ADAMTS10: variants seen among roughly 807,000 people sequenced by gnomAD.
The protein encoded by ADAMTS10 is A disintegrin and metalloproteinase with thrombospondin motifs 10.
A neutral mutation model predicts 135.9 loss-of-function variants in ADAMTS10; 48 were observed. The ratio of observed to expected loss-of-function variants is 0.35; its 90% CI spans 0.28 to 0.45. The LOEUF is 0.45. Among genes scored for constraint, ADAMTS10 ranks in the 20% least tolerant of loss-of-function variants. ADAMTS10 has a pLI of 1.00. For missense variants in ADAMTS10, 1,131 were observed against 1,565.2 expected (o/e 0.72, Z 4.68); for synonymous variants, 621 against 647.5 (o/e 0.96, Z 0.62).
intron 6 of ADAMTS10, among the ~76,000 whole-genome samples, chr19:8,600,690 G>A (rs974082883): frequency 2.1e-4 from 32 of 151,762 alleles, no homozygotes; most frequent in African/African-American, 5.3e-4. Flanking sequence ...AGTAGAGATG[G>A]GGTTTCACCG....
intron 13 of ADAMTS10, 172 bp from the exon 14 acceptor site, chr19:8,592,275 G>C: frequency 7.4e-7 from 1 of 1,354,802 alleles, no homozygotes; most frequent in East Asian, 2.5e-5. Context: ...TGGTCTGGGA[G>C]ACAGACCAGG....
intron 2 of ADAMTS10, among the ~76,000 whole-genome samples, chr19:8,607,351 C>A (rs1306369038): frequency 6.6e-6 from 1 of 152,160 alleles, no homozygotes; most frequent in Non-Finnish European, 1.5e-5. Context: ...CCAGGCCTCT[C>A]CTCCACCCTG....
At chr19:8,595,473 G>A (rs551873611) in intron 12 of ADAMTS10, 5 of 458,682 alleles carry the variant, frequency 1.1e-5, no homozygotes, top group Admixed American at 3.4e-5. Context: ...TAGCCCACAG[G>A]GGGTGTGATG....
Position 8,605,459 on chromosome 19 carries a change from C to T in ADAMTS10, c.89-101G>A. On this transcript the variant is annotated intron_variant, in intron 3 of 25. Transcript: ENST00000597188. The surrounding 1 kb of genome is among the most constrained non-coding windows in gnomAD (Gnocchi z 7.7). ...GAGCAAGTGATGCTGGCCTCACTGA[C>T]CCCCGAAATCCAGGGAGTTGGCTGC... The T allele has an allele frequency of 6.8e-7, 1 of 1,469,066 alleles. No individual in the cohort carries two copies. Among genetic ancestry groups the T allele is most frequent in the Non-Finnish European group, 9.3e-7 (1 of 1,080,480 alleles). 91.0% of individuals were successfully genotyped at this position (1,469,066 alleles called of 1,614,324 possible). A position where few individuals can be genotyped will look rare whatever the true frequency, so the allele number is the denominator to read the frequency against.
chr19:8,606,483 C>T (rs1486651721), intron 2 of ADAMTS10, among the ~76,000 whole-genome samples: 2 of 152,136 alleles, frequency 1.3e-5, no homozygotes, highest in Admixed American at 6.6e-5. Context: ...CTCACTGCAA[C>T]CCCCGCCTCC....
rs1187791275 is a variant in ADAMTS10 at position 8,608,188 on chromosome 19, C to G, written c.-154G>C. Reference sequence around the variant, plus strand: ...GTTGGGCCCCTGTACGGATCCTTCCCTCGCCTGCTCCCTGCACCTGGGCCT... The same window carrying G: ...GTTGGGCCCCTGTACGGATCCTTCCGTCGCCTGCTCCCTGCACCTGGGCCT... On this transcript the variant is annotated 5_prime_UTR_variant, in exon 2 of 26. Coordinates refer to ENST00000597188, the MANE Select transcript of ADAMTS10 (RefSeq NM_030957.4). 1 of 152,300 alleles carries G rather than the reference C, an allele frequency of 6.6e-6. No individual in the cohort carries two copies. The highest frequency in any genetic ancestry group is 1.5e-5 in the Non-Finnish European group (1 of 68,228). 9.4% of individuals were successfully genotyped at this position (152,300 alleles called of 1,614,324 possible). A position where few individuals can be genotyped will look rare whatever the true frequency, so the allele number is the denominator to read the frequency against.
rs372342488 is a variant in ADAMTS10 at position 8,595,911 on chromosome 19, G to A, written c.1338-8C>T. ...CAGAGCCCCAGGCCCGAGCTGCCTC[G>A]AGAGAAAAGCAACTGTCATGCTAGG... On this transcript the variant is annotated splice_polypyrimidine_tract_variant and splice_region_variant and intron_variant, in intron 11 of 25. Coordinates refer to ENST00000597188, the MANE Select transcript of ADAMTS10 (RefSeq NM_030957.4). The A allele has an allele frequency of 4.3e-6, 7 of 1,614,154 alleles. No homozygotes were observed. The highest frequency in any genetic ancestry group is 2.2e-5 in the South Asian group (2 of 91,084).
In ADAMTS10 at chr19:8,605,561, A is replaced by T; in HGVS notation, c.88+62T>A. The stretch of plus-strand genomic sequence containing the variant: ...GCCCCCTGATGCCTCTTTCTGTTGG[A>T]GCCCAACTGGTCTCTTACATTTTTC... On this transcript the variant is annotated intron_variant, in intron 3 of 25. Transcript: ENST00000597188. The surrounding 1 kb of genome is among the most constrained non-coding windows in gnomAD (Gnocchi z 7.7). 7.5e-7 allele frequency: 1 copy of T among 1,333,476 alleles called. No individual in the cohort carries two copies. The allele number at this position is 1,333,476 out of a possible 1,614,324, so 82.6% of individuals were successfully genotyped here.
At position 8,605,763 on chromosome 19, in the gene ADAMTS10, A is replaced by G; in HGVS notation, c.-53T>C. On this transcript the variant is annotated 5_prime_UTR_variant, in exon 3 of 26. Coordinates refer to ENST00000597188, the MANE Select transcript of ADAMTS10 (RefSeq NM_030957.4). The surrounding 1 kb of genome is among the most constrained non-coding windows in gnomAD (Gnocchi z 7.7). ...CCAGCCCCGGCTGCCGGCAGCCCCCACAGTGCCGCCTCCCCTGTTCACAGC... is the reference window on the plus strand; with the variant it reads ...CCAGCCCCGGCTGCCGGCAGCCCCCGCAGTGCCGCCTCCCCTGTTCACAGC... 1 of 1,554,258 alleles carries G rather than the reference A, an allele frequency of 6.4e-7. No homozygotes were observed. Among genetic ancestry groups the G allele is most frequent in the South Asian group, 1.2e-5 (1 of 85,518 alleles).
intron 18 of ADAMTS10, 69 bp from the exon 19 acceptor site, chr19:8,586,965 G>C (rs540887718): frequency 6.6e-7 from 1 of 1,507,958 alleles, no homozygotes; most frequent in South Asian, 1.1e-5. Flanking sequence ...CCCTGTCCCC[G>C]GCCCATGAGG....
At position 8,596,386 on chromosome 19, in the gene ADAMTS10, C is replaced by A; in HGVS notation, c.1111G>T (p.Glu371Ter). 1 of 1,613,352 alleles carries A rather than the reference C, an allele frequency of 6.2e-7. No homozygotes were observed. Among genetic ancestry groups the A allele is most frequent in the Non-Finnish European group, 8.5e-7 (1 of 1,179,850 alleles). The change falls in exon 10 of 26, where the codon GAG (glutamate) becomes TAG (stop). Residue 371 changes from glutamate (E) to a stop codon, truncating the protein, a stop_gained. Coordinates refer to ENST00000597188, the MANE Select transcript of ADAMTS10 (RefSeq NM_030957.4). LOFTEE classifies it high-confidence loss of function. The surrounding 1 kb of genome is among the most constrained non-coding windows in gnomAD (Gnocchi z 7.2). ...TTGACGCTGCAGCTTCTCTCGCGCT[C>A]ACACATTCCGCCCACCGGGGCCAGG... ...LGLAPVGGMC[E>*]RERSCSVNED...
intron 13 of ADAMTS10, 190 bp from the exon 14 acceptor site, chr19:8,592,293 G>T (rs953155090): frequency 8.5e-7 from 1 of 1,174,262 alleles, no homozygotes; most frequent in Non-Finnish European, 1.2e-6. Context: ...AGGTACAAGC[G>T]AGAGGCGTGG....
At chr19:8,581,736 G>A (rs1025781102) in intron 25 of ADAMTS10, among the ~76,000 whole-genome samples, 14 of 151,852 alleles carry the variant, frequency 9.2e-5, no homozygotes, top group Admixed American at 6.6e-5. Flanking sequence ...TCGACAGCCT[G>A]AGGCAGGAGA....
rs2042691171 is a variant in ADAMTS10, at chr19:8,603,785, C to T, written c.535G>A (p.Val179Met). The T allele has an allele frequency of 3.7e-6, 6 of 1,614,180 alleles. No homozygotes were observed. The highest frequency in any genetic ancestry group is 4.2e-6 in the Non-Finnish European group (5 of 1,180,042). Residue 179 changes from valine to methionine, a missense_variant, in exon 5 of 26, where the codon GTG becomes ATG. Physicochemically the swap from Val to Met is conservative, Grantham distance 21. Transcript: ENST00000597188. The stretch of plus-strand genomic sequence containing the variant: ...TGACGCAGAGAGGAACGCTTGTACA[C>T]CACATGTGGTCCACTTTCCTCCGGG... The part of the protein sequence containing the change: ...RSPEESGPHV[V>M]YKRSSLRHPH...
At chr19:8,607,114 C>T (rs1404888375) in intron 2 of ADAMTS10, among the ~76,000 whole-genome samples, 7 of 151,996 alleles carry the variant, frequency 4.6e-5, no homozygotes, top group Non-Finnish European at 7.4e-5. Flanking sequence ...GGGGGCTGGT[C>T]GGTGTGAATT....
At chr19:8,581,129 ACTTTT>A in intron 25 of ADAMTS10, 127 bp from the exon 26 acceptor site, 3 of 126,894 alleles carry the variant, frequency 2.4e-5, no homozygotes, top group Non-Finnish European at 2.6e-5. Flanking sequence ...TTTTAAATTT[ACTTTT>A]TTTTTTTTTT....
chr19:8,587,686 C>T (rs1304466160), intron 18 of ADAMTS10, among the ~76,000 whole-genome samples: 2 of 151,902 alleles, frequency 1.3e-5, no homozygotes, highest in East Asian at 3.9e-4. Context: ...AATCCCAGCA[C>T]ATTGGGAGGC....
chr19:8,605,458 A>G lies in ADAMTS10; in HGVS notation c.89-100T>C. On this transcript the variant is annotated intron_variant, in intron 3 of 25. Transcript: ENST00000597188. The surrounding 1 kb of genome is among the most constrained non-coding windows in gnomAD (Gnocchi z 7.7). ...GGAGCAAGTGATGCTGGCCTCACTG[A>G]CCCCCGAAATCCAGGGAGTTGGCTG... The G allele has an allele frequency of 6.8e-7, 1 of 1,468,430 alleles. No homozygotes were observed. 91.0% of individuals were successfully genotyped at this position (1,468,430 alleles called of 1,614,324 possible). A position where few individuals can be genotyped will look rare whatever the true frequency, so the allele number is the denominator to read the frequency against.
intron 6 of ADAMTS10, among the ~76,000 whole-genome samples, chr19:8,597,800 C>T (rs1174908089): frequency 1.3e-5 from 2 of 151,994 alleles, no homozygotes; most frequent in African/African-American, 4.8e-5. Context: ...ATCACTATGC[C>T]CACTTAATTT....
Sources: allele counts gnomAD v4.1 joint callset (sites outside exome capture counted in the v4.1 genomes callset), GRCh38; gene constraint gnomAD v4.1.1; non-coding constraint Gnocchi (gnomAD v3.1); transcripts MANE v1.5; gene names NCBI Gene and HGNC (gene_info 2026-07-23, HGNC 2026-07-21).